Variants in GRIK4 observed in about 807,000 individuals in gnomAD.
The protein encoded by GRIK4 is glutamate ionotropic receptor kainate type subunit 4, also known as glutamate receptor ionotropic, kainate 4.
A neutral mutation model predicts 104.9 loss-of-function variants in GRIK4; 40 were observed. The ratio of observed to expected loss-of-function variants is 0.38; its 90% CI spans 0.30 to 0.50. The LOEUF is 0.50. Ranked by LOEUF, GRIK4 falls within the 20% of genes least tolerant of loss-of-function variation. The pLI is 0.93. For synonymous variants in GRIK4, 485 were observed against 524.9 expected, an observed-to-expected ratio of 0.92 and a Z score of 1.04; for missense variants, 1,047 against 1,308.1, an observed-to-expected ratio of 0.80 and a Z score of 3.08.
intron 19 of GRIK4, among the ~76,000 whole-genome samples, chr11:120,975,603 T>A (rs1209974130): frequency 6.6e-6 from 1 of 152,142 alleles, no homozygotes; most frequent in African/African-American, 2.4e-5. Context: ...GATTCAAACA[T>A]GCGATGTCAT....
rs537530659 is a variant in GRIK4 at position 120,624,442 on chromosome 11, A to G, written c.-158-29243A>G. On this transcript the variant is annotated intron_variant, in intron 1 of 20. Transcript: ENST00000527524. Reference sequence around the variant, plus strand: ...TGAATTTTTCTTTGGTGGCTATCCCATCCCCTTTGGCCTCCTCCTTGTCCC... The same window carrying G: ...TGAATTTTTCTTTGGTGGCTATCCCGTCCCCTTTGGCCTCCTCCTTGTCCC... 7.2e-5 allele frequency among the ~76,000 whole-genome samples: 11 copies of G among 151,960 alleles called. No homozygotes were observed. The East Asian group carries it at 1.9e-3, about 27-fold the overall frequency.
chr11:120,951,502 C>T (rs1258885852), intron 14 of GRIK4, among the ~76,000 whole-genome samples: 3 of 152,188 alleles, frequency 2.0e-5, no homozygotes, highest in African/African-American at 7.2e-5. Context: ...CAGTAGGTTG[C>T]GCCATGACTG....
chr11:120,702,360 TG>T (rs1461470039), intron 3 of GRIK4, among the ~76,000 whole-genome samples: 11 of 152,162 alleles, frequency 7.2e-5, no homozygotes, highest in African/African-American at 2.7e-4. Context: ...AGCCGAATCT[TG>T]GTATGCCAAA....
intron 1 of GRIK4, among the ~76,000 whole-genome samples, chr11:120,621,601 G>A (rs1278877765): frequency 6.6e-6 from 1 of 152,166 alleles, no homozygotes; most frequent in Non-Finnish European, 1.5e-5. Flanking sequence ...GAAAGACTAT[G>A]GGAGTTGGGT....
intron 8 of GRIK4, among the ~76,000 whole-genome samples, chr11:120,848,669 G>C (rs1454058556): frequency 6.6e-6 from 1 of 152,176 alleles, no homozygotes; most frequent in Non-Finnish European, 1.5e-5. Flanking sequence ...GTATATCCAG[G>C]GGGGAAATGA....
chr11:120,669,682 C>T (rs755733240), intron 3 of GRIK4, among the ~76,000 whole-genome samples: 2 of 152,226 alleles, frequency 1.3e-5, no homozygotes, highest in Admixed American at 6.5e-5. Flanking sequence ...TTCTAGACCA[C>T]GCCCCATCTT....
intron 3 of GRIK4, among the ~76,000 whole-genome samples, chr11:120,719,612 TCCCTTCCCCTGA>T (rs1327942344): frequency 2.0e-5 from 3 of 152,156 alleles, no homozygotes; most frequent in Non-Finnish European, 4.4e-5. Context: ...AGATCGTCAC[TCCCTTCCCCTGA>T]CCCTTCCCCC....
intron 3 of GRIK4, among the ~76,000 whole-genome samples, chr11:120,752,947 C>T (rs1225829810): frequency 3.3e-5 from 5 of 152,228 alleles, no homozygotes; most frequent in Admixed American, 1.3e-4. Flanking sequence ...GGGCCTAGGC[C>T]GGAAGATGGC....
chr11:120,758,669 A>T (rs922846266), intron 3 of GRIK4, among the ~76,000 whole-genome samples: 1 of 152,236 alleles, frequency 6.6e-6, no homozygotes, highest in African/African-American at 2.4e-5. Context: ...GTGACCATCT[A>T]TTAATAATAT....
chr11:120,741,166 C>G (rs1431981056), intron 3 of GRIK4, among the ~76,000 whole-genome samples: 2 of 152,056 alleles, frequency 1.3e-5, no homozygotes, highest in African/African-American at 4.8e-5. Context: ...ATTTACCACT[C>G]ACAATATCCT....
chr11:120,557,085 C>T (rs1403201187), intron 1 of GRIK4, among the ~76,000 whole-genome samples: 1 of 152,196 alleles, frequency 6.6e-6, no homozygotes, highest in African/African-American at 2.4e-5. Flanking sequence ...GCTTCTGTTA[C>T]CCTGACTCAC....
At chr11:120,879,023 C>G (rs1954892608) in intron 11 of GRIK4, among the ~76,000 whole-genome samples, 1 of 152,196 alleles carries the variant, frequency 6.6e-6, no homozygotes, top group Non-Finnish European at 1.5e-5. Context: ...AAATCACTTC[C>G]AATCTTGACG....
intron 3 of GRIK4, among the ~76,000 whole-genome samples, chr11:120,737,459 A>T (rs1362193164): frequency 6.6e-6 from 1 of 152,232 alleles, no homozygotes; most frequent in Non-Finnish European, 1.5e-5. Context: ...CAAGCCTCAG[A>T]ATCCAGCTGT....
At chr11:120,936,002 AC>A in intron 13 of GRIK4, 1 of 212,214 alleles carries the variant, frequency 4.7e-6, no homozygotes, top group South Asian at 7.3e-5. Context: ...TGCTTGATAT[AC>A]AAGAAAAAAT....
intron 8 of GRIK4, 139 bp downstream of exon 8, chr11:120,836,983 G>A (rs1011683435): frequency 1.6e-6 from 1 of 606,532 alleles, no homozygotes; most frequent in African/African-American, 1.8e-5. Context: ...CAGAGAGGCA[G>A]GGCGTCCTGG....
At chr11:120,908,031 G>A (rs1411766913) in intron 13 of GRIK4, among the ~76,000 whole-genome samples, 1 of 152,156 alleles carries the variant, frequency 6.6e-6, no homozygotes. Context: ...AGCTGCACAG[G>A]AAAATTCCAG....
chr11:120,853,251 AAGACTTGTGTGTCT>A (rs1954016879), intron 8 of GRIK4, among the ~76,000 whole-genome samples: 2 of 152,162 alleles, frequency 1.3e-5, no homozygotes, highest in African/African-American at 4.8e-5. Context: ...ATAGCATGAA[AAGACTTGTGTGTCT>A]AGCCAAGGGG....
chr11:120,616,132 A>G (rs976872107), intron 1 of GRIK4, among the ~76,000 whole-genome samples: 4 of 151,898 alleles, frequency 2.6e-5, no homozygotes, highest in African/African-American at 9.7e-5. Context: ...CTGGCCTTAC[A>G]TCTTTGTTGG....
rs530455960 is a variant in GRIK4, at chr11:120,729,049, T to G, written c.82+68649T>G. On this transcript the variant is annotated intron_variant, in intron 3 of 20. Transcript: ENST00000527524. Reference sequence around the variant, plus strand: ...TCTGTGCCTGGTTTATTACACTTAATATAATGGTCTCCAGTTCCATGTATT... The same window carrying G: ...TCTGTGCCTGGTTTATTACACTTAAGATAATGGTCTCCAGTTCCATGTATT... Among the ~76,000 whole-genome samples, 20 of 152,336 alleles carry G rather than the reference T, an allele frequency of 1.3e-4. No homozygotes were observed. The South Asian group carries it at 4.1e-3, about 32-fold the overall frequency.
Sources: allele counts gnomAD v4.1 joint callset (sites outside exome capture counted in the v4.1 genomes callset), GRCh38; gene constraint gnomAD v4.1.1; transcripts MANE v1.5; gene names NCBI Gene and HGNC (gene_info 2026-07-23, HGNC 2026-07-21).